GRID2: variants seen among roughly 807,000 people sequenced by gnomAD.
The protein encoded by GRID2 is glutamate ionotropic receptor delta type subunit 2.
GRID2 carries 33 observed loss-of-function variants against 114.8 expected under a neutral mutation model. That is an observed-to-expected ratio of 0.29 (90% CI 0.22 to 0.38). The LOEUF (loss-of-function observed/expected upper bound fraction) is 0.38. Among genes scored for constraint, GRID2 ranks in the 10% least tolerant of loss-of-function variants. The pLI is 1.00. For synonymous variants in GRID2, 505 were observed against 449.9 expected (o/e 1.12, Z -1.55); for missense variants, 1,184 against 1,257.7 (o/e 0.94, Z 0.89).
At chr4:93,172,797 A>G (rs919539163) in intron 4 of GRID2, among the ~76,000 whole-genome samples, 34 of 152,294 alleles carry the variant, frequency 2.2e-4, no homozygotes, top group African/African-American at 7.9e-4. Context: ...TTGCACCAAG[A>G]CCAAATGAGT....
intron 1 of GRID2, among the ~76,000 whole-genome samples, chr4:92,323,328 G>T (rs138924825): frequency 6.6e-6 from 1 of 152,142 alleles, no homozygotes; most frequent in Non-Finnish European, 1.5e-5. Context: ...ATAACTATAA[G>T]ATATTGTCTT....
chr4:93,614,238 T>C (rs952348988), intron 13 of GRID2, among the ~76,000 whole-genome samples: 1 of 152,196 alleles, frequency 6.6e-6, no homozygotes, highest in Non-Finnish European at 1.5e-5. Flanking sequence ...ATGAACCTGG[T>C]ACCTCAGATG....
intron 13 of GRID2, among the ~76,000 whole-genome samples, chr4:93,608,822 T>C (rs1415616209): frequency 2.2e-5 from 3 of 135,976 alleles, no homozygotes; most frequent in Non-Finnish European, 3.3e-5. Flanking sequence ...TTTGGGTATA[T>C]ACCCAGTAAT....
intron 2 of GRID2, among the ~76,000 whole-genome samples, chr4:92,631,022 AAAAG>A (rs934845122): frequency 2.6e-5 from 4 of 151,762 alleles, no homozygotes; most frequent in Non-Finnish European, 5.9e-5. Flanking sequence ...GAGAAAAAAA[AAAAG>A]AAAAAAACAA....
chr4:93,075,537 T>C (rs1359853189), intron 2 of GRID2, among the ~76,000 whole-genome samples: 1 of 152,150 alleles, frequency 6.6e-6, no homozygotes, highest in Non-Finnish European at 1.5e-5. Context: ...TAAAATTGCC[T>C]TTATTTGCAG....
At position 93,110,820 on chromosome 4, in the gene GRID2, A is replaced by T; in HGVS notation, c.602A>T (p.Glu201Val). The change falls in exon 4 of 16, where the codon GAA (glutamate) becomes GTA (valine). Residue 201 changes from glutamate (E) to valine (V), a missense_variant. Coordinates refer to ENST00000282020, the MANE Select transcript of GRID2 (RefSeq NM_001510.4). ...ATGGATGTTGCACTTCAGAAGGTAG[A>T]AAACAACATCAATAAAATGATTACC... ...QGMDVALQKVENNINKMITTL... is the reference protein window; with the variant it reads ...QGMDVALQKVVNNINKMITTL... The T allele has an allele frequency of 6.2e-7, 1 of 1,612,294 alleles. No homozygotes were observed.
At chr4:93,752,815 G>C (rs887962912) in intron 14 of GRID2, among the ~76,000 whole-genome samples, 1 of 152,026 alleles carries the variant, frequency 6.6e-6, no homozygotes, top group Admixed American at 6.6e-5. Flanking sequence ...TTTATTATGT[G>C]TATCCTTCCA....
intron 4 of GRID2, among the ~76,000 whole-genome samples, chr4:93,165,176 G>C (rs897116935): frequency 1.3e-5 from 2 of 151,994 alleles, no homozygotes; most frequent in Admixed American, 6.6e-5. Context: ...TTATTATTAT[G>C]TAAGCAGATA....
intron 10 of GRID2, among the ~76,000 whole-genome samples, chr4:93,431,609 A>T (rs1026309206): frequency 6.6e-6 from 1 of 152,176 alleles, no homozygotes; most frequent in African/African-American, 2.4e-5. Context: ...GCAAAAGATG[A>T]TGGAAAAACT....
chr4:93,620,789 C>T (rs1188318877), intron 13 of GRID2, among the ~76,000 whole-genome samples: 1 of 152,052 alleles, frequency 6.6e-6, no homozygotes, highest in Non-Finnish European at 1.5e-5. Context: ...GAAATGGTCT[C>T]CAAAGCATAT....
intron 2 of GRID2, among the ~76,000 whole-genome samples, chr4:92,664,054 C>T (rs1259183057): frequency 6.6e-6 from 1 of 150,984 alleles, no homozygotes; most frequent in Non-Finnish European, 1.5e-5. Flanking sequence ...CTTCTTCTAC[C>T]TCTGGGTTTT....
rs763353936 is a variant in GRID2 at position 92,393,473 on chromosome 4, C to T, written c.88+88729C>T. On this transcript the variant is annotated intron_variant, in intron 1 of 15. Coordinates refer to ENST00000282020, the MANE Select transcript of GRID2 (RefSeq NM_001510.4). ...CCTAAACTTCCCTGCACTCAACCTACATATACTCTGAACAAATCTGAATAT... is the reference window on the plus strand; with the variant it reads ...CCTAAACTTCCCTGCACTCAACCTATATATACTCTGAACAAATCTGAATAT... Among the ~76,000 whole-genome samples, 38 of 152,244 alleles carry T rather than the reference C, an allele frequency of 2.5e-4. 1 individual carries two copies. Among genetic ancestry groups the T allele is most frequent in the Non-Finnish European group, 4.3e-4 (29 of 68,012 alleles).
At chr4:92,735,574 C>G (rs578203482) in intron 2 of GRID2, among the ~76,000 whole-genome samples, 1 of 152,182 alleles carries the variant, frequency 6.6e-6, no homozygotes, top group Non-Finnish European at 1.5e-5. Context: ...ATCTTCTTTA[C>G]GTAAAGATTT....
intron 2 of GRID2, among the ~76,000 whole-genome samples, chr4:93,034,143 C>A (rs1724697691): frequency 6.6e-6 from 1 of 152,066 alleles, no homozygotes; most frequent in East Asian, 1.9e-4. Context: ...GGCAGGTGAA[C>A]AACATAGGGA....
intron 4 of GRID2, among the ~76,000 whole-genome samples, chr4:93,190,481 A>G (rs1373308435): frequency 1.3e-5 from 2 of 152,180 alleles, no homozygotes; most frequent in African/African-American, 2.4e-5. Context: ...AATTTCAATT[A>G]TAGTTTGAAT....
At chr4:92,928,942 G>C (rs1312013314) in intron 2 of GRID2, among the ~76,000 whole-genome samples, 2 of 151,422 alleles carry the variant, frequency 1.3e-5, no homozygotes, top group East Asian at 1.9e-4. Flanking sequence ...ATGAGCTAAA[G>C]AAGTCCACCT....
intron 2 of GRID2, among the ~76,000 whole-genome samples, chr4:92,634,836 C>T (rs1489413156): frequency 2.3e-5 from 3 of 132,978 alleles, no homozygotes; most frequent in African/African-American, 5.7e-5. Flanking sequence ...AATTTTAATT[C>T]GCATGCATTC....
intron 1 of GRID2, among the ~76,000 whole-genome samples, chr4:92,334,354 C>G (rs1002827660): frequency 2.0e-5 from 3 of 152,182 alleles, no homozygotes; most frequent in Non-Finnish European, 2.9e-5. Flanking sequence ...TGTTAGCCTA[C>G]TCCTTCAAAT....
At chr4:92,792,343 A>G (rs1560594658) in intron 2 of GRID2, among the ~76,000 whole-genome samples, 2 of 151,652 alleles carry the variant, frequency 1.3e-5, no homozygotes, top group Non-Finnish European at 2.9e-5. Flanking sequence ...CTCTTCCCAC[A>G]GTAATGTTCA....
Sources: gnomAD v4.1 joint callset for allele counts (sites outside exome capture counted in the v4.1 genomes callset) on GRCh38, gnomAD v4.1.1 for gene constraint, MANE v1.5 for transcripts, NCBI Gene and HGNC (gene_info 2026-07-23, HGNC 2026-07-21) for gene names.